Variants in ATP8A2 observed in about 807,000 individuals in gnomAD.
ATP8A2 encodes the protein ATPase phospholipid transporting 8A2.
A neutral mutation model predicts 165.6 loss-of-function variants in ATP8A2; 100 were observed. The ratio of observed to expected loss-of-function variants is 0.60; its 90% confidence interval spans 0.51 to 0.71. The LOEUF (loss-of-function observed/expected upper bound fraction) is 0.71. Among genes scored for constraint, ATP8A2 ranks in the 30% least tolerant of loss-of-function variants. The pLI is 0.00. For synonymous variants in ATP8A2, 543 were observed against 548.8 expected, an observed-to-expected ratio of 0.99 and a Z score of 0.15; for missense variants, 1,227 against 1,479.5, an observed-to-expected ratio of 0.83 and a Z score of 2.80.
intron 2 of ATP8A2, among the ~76,000 whole-genome samples, chr13:25,482,976 T>C (rs2036250342): frequency 6.6e-6 from 1 of 152,154 alleles, no homozygotes; most frequent in Non-Finnish European, 1.5e-5. Context: ...ACAGAAGGGA[T>C]GATGGACAAA....
At chr13:25,913,132 T>G (rs1160177868) in intron 33 of ATP8A2, among the ~76,000 whole-genome samples, 2 of 152,214 alleles carry the variant, frequency 1.3e-5, no homozygotes, top group Admixed American at 6.5e-5. Flanking sequence ...TATAGAGTAG[T>G]ACTGGATAGG....
intron 24 of ATP8A2, among the ~76,000 whole-genome samples, chr13:25,641,039 T>C (rs2041506976): frequency 6.6e-6 from 1 of 152,186 alleles, no homozygotes; most frequent in Non-Finnish European, 1.5e-5. Context: ...AAAAAGCCGT[T>C]GACAAAATTC....
intron 1 of ATP8A2, among the ~76,000 whole-genome samples, chr13:25,450,449 TAA>T (rs2035182755): frequency 1.3e-5 from 2 of 152,190 alleles, no homozygotes; most frequent in Admixed American, 1.3e-4. Flanking sequence ...CAGAAGTGTA[TAA>T]GTGTTCCTTT....
At chr13:25,654,623 G>A (rs1484692809) in intron 24 of ATP8A2, among the ~76,000 whole-genome samples, 1 of 152,146 alleles carries the variant, frequency 6.6e-6, no homozygotes, top group Admixed American at 6.5e-5. Flanking sequence ...GACAGTGGGC[G>A]GTACTGGGTT....
chr13:25,428,761 G>A (rs141298019), intron 1 of ATP8A2, among the ~76,000 whole-genome samples: 14 of 152,256 alleles, frequency 9.2e-5, no homozygotes, highest in African/African-American at 2.6e-4. Context: ...CAGCCCACTC[G>A]CAAGCAGGAT....
chr13:25,918,086 A>G (rs1389913778), intron 33 of ATP8A2, among the ~76,000 whole-genome samples: 1 of 152,242 alleles, frequency 6.6e-6, no homozygotes, highest in East Asian at 1.9e-4. Context: ...CAATGAATTC[A>G]TCACTTGTAA....
intron 33 of ATP8A2, among the ~76,000 whole-genome samples, chr13:25,904,322 C>G (rs1953863017): frequency 6.6e-6 from 1 of 152,250 alleles, no homozygotes; most frequent in Non-Finnish European, 1.5e-5. Flanking sequence ...CTGCCCAGCT[C>G]AGGCTGAGCG....
At chr13:25,501,848 G>T (rs1318621278) in intron 2 of ATP8A2, among the ~76,000 whole-genome samples, 1 of 152,188 alleles carries the variant, frequency 6.6e-6, no homozygotes, top group Non-Finnish European at 1.5e-5. Flanking sequence ...GAACAGTCCA[G>T]ATTTTCCAGA....
At chr13:25,906,587 C>A (rs1417951302) in intron 33 of ATP8A2, among the ~76,000 whole-genome samples, 1 of 152,096 alleles carries the variant, frequency 6.6e-6, no homozygotes, top group Non-Finnish European at 1.5e-5. Context: ...CTTCTCTCTC[C>A]CCCTCTTGCC....
chr13:25,736,560 G>A (rs978026312), intron 25 of ATP8A2, among the ~76,000 whole-genome samples: 2 of 152,194 alleles, frequency 1.3e-5, no homozygotes, highest in Non-Finnish European at 2.9e-5. Flanking sequence ...TCTGAATGAA[G>A]GGTCAGTGTA....
intron 33 of ATP8A2, among the ~76,000 whole-genome samples, chr13:25,866,592 T>C (rs1353983495): frequency 6.6e-6 from 1 of 151,996 alleles, no homozygotes; most frequent in Non-Finnish European, 1.5e-5. Flanking sequence ...CCCAAAAATA[T>C]GTGCAGGCAA....
chr13:26,020,229 G>C lies in ATP8A2; in HGVS notation c.*244G>C, dbSNP rs186036146. 1.8e-6 allele frequency: 1 copy of C among 541,606 alleles called. No individual in the cohort carries two copies. The highest frequency in any genetic ancestry group is 2.3e-5 in the South Asian group (1 of 43,634). 33.6% of individuals were successfully genotyped at this position (541,606 alleles called of 1,614,324 possible). Reference sequence around the variant, plus strand: ...GCTTAGCCTAACTTTTGTTTATGTCGTTATGAAGCATTCAACTGTGCTCTG... The same window carrying C: ...GCTTAGCCTAACTTTTGTTTATGTCCTTATGAAGCATTCAACTGTGCTCTG... On this transcript the variant is annotated 3_prime_UTR_variant, in exon 37 of 37. Transcript: ENST00000381655.
chr13:25,497,688 C>T (rs2036720094), intron 2 of ATP8A2, among the ~76,000 whole-genome samples: 1 of 152,142 alleles, frequency 6.6e-6, no homozygotes, highest in Non-Finnish European at 1.5e-5. Context: ...CACGGTGGCT[C>T]ATGCCTGTAA....
Position 25,774,885 on chromosome 13 carries a change from G to A in ATP8A2, c.2605G>A (p.Ala869Thr). ...YLEKLLLVHG[A>T]WSYNRVTKCI... ...AGAGAAGCTTCTGTTGGTTCATGGA[G>A]CCTGGAGCTACAACCGGGTGACCAA... Residue 869 changes from alanine to threonine, a missense_variant, in exon 27 of 37, where the codon GCC becomes ACC. Physicochemically the swap from Ala to Thr is moderately conservative, Grantham distance 58. This residue lies in a region of ATP8A2 where 592 missense variants were observed against 785.6 expected (regional missense o/e 0.75). Coordinates refer to ENST00000381655, the MANE Select transcript of ATP8A2 (RefSeq NM_016529.6). The A allele has an allele frequency of 6.2e-7, 1 of 1,613,728 alleles. No homozygotes were observed. The highest frequency in any genetic ancestry group is 8.5e-7 in the Non-Finnish European group (1 of 1,179,684).
chr13:25,819,833 C>CA (rs528719527), intron 27 of ATP8A2, among the ~76,000 whole-genome samples: 3 of 151,604 alleles, frequency 2.0e-5, no homozygotes, highest in Admixed American at 6.6e-5. Context: ...GATCAAATTT[C>CA]AAAAAAAACC....
At chr13:25,720,463 C>T (rs1288120760) in intron 25 of ATP8A2, among the ~76,000 whole-genome samples, 2 of 152,148 alleles carry the variant, frequency 1.3e-5, no homozygotes, top group Non-Finnish European at 2.9e-5. Context: ...CGCCTGGCCA[C>T]ATGACCTCTG....
At chr13:25,419,192 C>T (rs2034222923) in intron 1 of ATP8A2, among the ~76,000 whole-genome samples, 2 of 152,180 alleles carry the variant, frequency 1.3e-5, no homozygotes, top group African/African-American at 4.8e-5. Context: ...TGACTCCAGG[C>T]ACTTGGCCCT....
chr13:25,599,994 G>C (rs2040340220), intron 24 of ATP8A2, among the ~76,000 whole-genome samples: 1 of 152,166 alleles, frequency 6.6e-6, no homozygotes. Context: ...GTCAAGTTCT[G>C]CTCAGGAGAT....
At chr13:25,855,069 G>A (rs1194718213) in intron 30 of ATP8A2, among the ~76,000 whole-genome samples, 1 of 151,984 alleles carries the variant, frequency 6.6e-6, no homozygotes, top group Non-Finnish European at 1.5e-5. Context: ...TGACCAACAT[G>A]GTGAAACCCC....
Sources: allele counts gnomAD v4.1 joint callset (sites outside exome capture counted in the v4.1 genomes callset), GRCh38; gene constraint gnomAD v4.1.1; regional missense constraint gnomAD v4.1.1; transcripts MANE v1.5; gene names NCBI Gene and HGNC (gene_info 2026-07-23, HGNC 2026-07-21).